Variants in ENOX1 observed in about 807,000 individuals in gnomAD.
The protein encoded by ENOX1 is ecto-NOX disulfide-thiol exchanger 1.
In ENOX1, 42 loss-of-function variants were observed where a neutral mutation model predicts 82.5. The observed-to-expected ratio is 0.51, with a 90% confidence interval of 0.40 to 0.66. The LOEUF (loss-of-function observed/expected upper bound fraction) is 0.66, where lower values mean the gene tolerates loss of function less well. Among genes scored for constraint, ENOX1 ranks in the 30% least tolerant of loss-of-function variants. The pLI is 0.00. For synonymous variants in ENOX1, 271 were observed against 282.2 expected (o/e 0.96, Z 0.40); for missense variants, 608 against 811.6 (o/e 0.75, Z 3.05).
intron 9 of ENOX1, among the ~76,000 whole-genome samples, chr13:43,338,965 G>A (rs1473240546): frequency 6.6e-5 from 10 of 152,162 alleles, no homozygotes; most frequent in East Asian, 1.9e-4. Flanking sequence ...GATTACAGGC[G>A]TGAGCCACCG....
chr13:43,671,831 G>A (rs1002549838), intron 1 of ENOX1, among the ~76,000 whole-genome samples: 6 of 152,120 alleles, frequency 3.9e-5, no homozygotes, highest in Non-Finnish European at 8.8e-5. Context: ...AGTTCCCCAA[G>A]AGCGAGATAG....
chr13:43,558,211 A>C (rs1274036487), intron 2 of ENOX1, among the ~76,000 whole-genome samples: 1 of 152,210 alleles, frequency 6.6e-6, no homozygotes, highest in African/African-American at 2.4e-5. Flanking sequence ...ACCAGCTGCT[A>C]GTCAACAGCT....
intron 2 of ENOX1, among the ~76,000 whole-genome samples, chr13:43,590,881 A>G (rs1352008887): frequency 6.6e-6 from 1 of 152,176 alleles, no homozygotes; most frequent in Non-Finnish European, 1.5e-5. Flanking sequence ...AAGAGGAAAC[A>G]TAAGTGGTCA....
chr13:43,526,910 A>G (rs1282125434), intron 2 of ENOX1, among the ~76,000 whole-genome samples: 1 of 152,104 alleles, frequency 6.6e-6, no homozygotes, highest in Non-Finnish European at 1.5e-5. Context: ...TGAAACAGGC[A>G]TTACACAGCA....
At chr13:43,684,663 G>T (rs1362080849) in intron 1 of ENOX1, among the ~76,000 whole-genome samples, 2 of 152,146 alleles carry the variant, frequency 1.3e-5, no homozygotes, top group Non-Finnish European at 2.9e-5. Context: ...ACAGAGAACA[G>T]GTAATCTTCA....
chr13:43,631,378 T>C (rs769658375), intron 2 of ENOX1, among the ~76,000 whole-genome samples: 1 of 152,176 alleles, frequency 6.6e-6, no homozygotes, highest in Non-Finnish European at 1.5e-5. Context: ...GGCAAGACAC[T>C]GTTGAGGTTC....
At chr13:43,333,807 G>A (rs1326014245) in intron 9 of ENOX1, among the ~76,000 whole-genome samples, 1 of 152,202 alleles carries the variant, frequency 6.6e-6, no homozygotes, top group Non-Finnish European at 1.5e-5. Flanking sequence ...ATTTTTAGTA[G>A]AGACGGGGTT....
At position 43,335,650 on chromosome 13, in the gene ENOX1, T is replaced by C. The variant is rs967443577; in HGVS notation, c.1036+8888A>G. ...AATATGCACTCCAATTCTTTATTGT[T>C]CCAGAGTGTAAGACTTGATTTCTAT... On this transcript the variant is annotated intron_variant, in intron 9 of 16. Transcript: ENST00000690772. 5.3e-5 allele frequency among the ~76,000 whole-genome samples: 8 copies of C among 152,126 alleles called. No homozygotes were observed. In the East Asian group the frequency reaches 1.2e-3, roughly 22 times the overall value.
At position 43,505,101 on chromosome 13, in the gene ENOX1, T is replaced by G. The variant is rs563802651; in HGVS notation, c.-218-20949A>C. On this transcript the variant is annotated intron_variant, in intron 2 of 16. Transcript: ENST00000690772. Reference sequence around the variant, plus strand: ...GAGGTAATATCCAATTATTTTACATTTTAACTTTCAAACAACTGTAAAGAG... The same window carrying G: ...GAGGTAATATCCAATTATTTTACATGTTAACTTTCAAACAACTGTAAAGAG... Among the ~76,000 whole-genome samples the G allele has an allele frequency of 5.9e-5, 9 of 151,974 alleles. No individual in the cohort carries two copies. In the South Asian group the frequency reaches 1.5e-3, roughly 25 times the overall value.
At chr13:43,248,228 C>T (rs1464449585) in intron 14 of ENOX1, among the ~76,000 whole-genome samples, 1 of 151,932 alleles carries the variant, frequency 6.6e-6, no homozygotes, top group Non-Finnish European at 1.5e-5. Flanking sequence ...AGTAGACCCT[C>T]TAATATTACA....
At chr13:43,679,641 A>G (rs1390289226) in intron 1 of ENOX1, among the ~76,000 whole-genome samples, 2 of 152,184 alleles carry the variant, frequency 1.3e-5, no homozygotes, top group African/African-American at 4.8e-5. Flanking sequence ...CATCTTTAAG[A>G]TAAGACAATT....
At chr13:43,778,948 T>C in intron 1 of ENOX1, among the ~76,000 whole-genome samples, 1 of 152,114 alleles carries the variant, frequency 6.6e-6, no homozygotes, top group East Asian at 1.9e-4. Context: ...AGAGAATCCA[T>C]CTCAAATCCT....
intron 12 of ENOX1, among the ~76,000 whole-genome samples, chr13:43,275,234 C>T (rs1335341085): frequency 1.3e-5 from 2 of 152,140 alleles, no homozygotes; most frequent in Admixed American, 6.6e-5. Context: ...TCAAATTTGA[C>T]GTCCCTTTAA....
chr13:43,223,914 G>T, intron 16 of ENOX1, 139 bp downstream of exon 16: 1 of 578,088 alleles, frequency 1.7e-6, no homozygotes. Flanking sequence ...CAAAAACTGA[G>T]GTCCTTGCAA....
chr13:43,713,541 C>T (rs1346239977), intron 1 of ENOX1, among the ~76,000 whole-genome samples: 1 of 152,116 alleles, frequency 6.6e-6, no homozygotes, highest in Non-Finnish European at 1.5e-5. Context: ...TCCATCTGGT[C>T]CTGGACTCTT....
chr13:43,274,514 TTA>T (rs1566394830), intron 12 of ENOX1, among the ~76,000 whole-genome samples: 1 of 152,244 alleles, frequency 6.6e-6, no homozygotes, highest in African/African-American at 2.4e-5. Context: ...CACTTGAAAT[TTA>T]TGAGTCTCTA....
At chr13:43,416,574 A>AAT (rs2054591126) in intron 3 of ENOX1, among the ~76,000 whole-genome samples, 1 of 95,018 alleles carries the variant, frequency 1.1e-5, no homozygotes, top group African/African-American at 4.1e-5. Context: ...CTTCCCAGAC[A>AAT]GGGCAGCCGG....
At chr13:43,399,749 C>T (rs2053383278) in intron 5 of ENOX1, among the ~76,000 whole-genome samples, 1 of 152,160 alleles carries the variant, frequency 6.6e-6, no homozygotes, top group Admixed American at 6.5e-5. Context: ...GGCTCTAAAG[C>T]CACCATCTGT....
chr13:43,636,290 C>T (rs546676909), intron 2 of ENOX1, among the ~76,000 whole-genome samples: 18 of 152,232 alleles, frequency 1.2e-4, no homozygotes, highest in South Asian at 4.2e-4. Flanking sequence ...CAATTTCAAA[C>T]GATAACATCT....
Sources: allele counts gnomAD v4.1 joint callset (sites outside exome capture counted in the v4.1 genomes callset), GRCh38; gene constraint gnomAD v4.1.1; transcripts MANE v1.5; gene names NCBI Gene and HGNC (gene_info 2026-07-23, HGNC 2026-07-21).